Variants in LDLRAD4 observed in about 807,000 individuals in gnomAD.
LDLRAD4 encodes the protein low-density lipoprotein receptor class A domain-containing protein 4.
LDLRAD4 carries 5 observed loss-of-function variants against 17.0 expected under a neutral mutation model. The ratio of observed to expected loss-of-function variants is 0.29; its 90% CI spans 0.15 to 0.62. The LOEUF is 0.62. Ranked by LOEUF, LDLRAD4 falls within the 20% of genes least tolerant of loss-of-function variation. The probability of loss-of-function intolerance (pLI) is 0.84; values close to 1 mark genes in which losing one functional copy is unlikely to be tolerated. For missense variants in LDLRAD4, 340 were observed against 424.7 expected, an observed-to-expected ratio of 0.80 and a Z score of 1.75; for synonymous variants, 168 against 171.8, an observed-to-expected ratio of 0.98 and a Z score of 0.17.
chr18:13,479,008 A>AAT (rs1201197583), intron 3 of LDLRAD4, among the ~76,000 whole-genome samples: 1 of 152,236 alleles, frequency 6.6e-6, no homozygotes, highest in Non-Finnish European at 1.5e-5. Flanking sequence ...AAGTAAAGGT[A>AAT]ATACGGTGGA....
At chr18:13,602,632 G>C (rs55785648) in intron 3 of LDLRAD4, among the ~76,000 whole-genome samples, 1 of 151,322 alleles carries the variant, frequency 6.6e-6, no homozygotes. Context: ...ATTTTTAGTA[G>C]AGTCTGGGTT....
intron 1 of LDLRAD4, among the ~76,000 whole-genome samples, chr18:13,293,547 C>T (rs904578558): frequency 7.2e-5 from 11 of 152,292 alleles, no homozygotes; most frequent in Non-Finnish European, 1.0e-4. Context: ...GCAAAAATAT[C>T]GGAAATATTG....
At chr18:13,628,779 G>C (rs767969789) in intron 4 of LDLRAD4, among the ~76,000 whole-genome samples, 35 of 152,196 alleles carry the variant, frequency 2.3e-4, no homozygotes, top group Admixed American at 5.2e-4. Flanking sequence ...GTCTCAAATA[G>C]TCCTTCTACT....
intron 1 of LDLRAD4, among the ~76,000 whole-genome samples, chr18:13,343,190 G>A (rs893650490): frequency 1.9e-4 from 29 of 151,640 alleles, no homozygotes; most frequent in African/African-American, 4.8e-4. Context: ...TCATTAACTC[G>A]TTATTTAACA....
At chr18:13,369,906 C>T (rs1056291429) in intron 1 of LDLRAD4, among the ~76,000 whole-genome samples, 2 of 152,230 alleles carry the variant, frequency 1.3e-5, no homozygotes, top group Admixed American at 6.5e-5. Flanking sequence ...AATTCAGCCC[C>T]GCCCTGCAGC....
At chr18:13,381,800 C>T (rs2085389073) in intron 1 of LDLRAD4, among the ~76,000 whole-genome samples, 1 of 152,264 alleles carries the variant, frequency 6.6e-6, no homozygotes, top group African/African-American at 2.4e-5. Context: ...AGCCCTTTGC[C>T]TCTTTGATCC....
intron 4 of LDLRAD4, chr18:13,642,763 G>C (rs896035631): frequency 1.6e-6 from 2 of 1,230,056 alleles, no homozygotes; most frequent in Non-Finnish European, 2.0e-6. Flanking sequence ...CACAGGTGTA[G>C]AGAGTGAGCC....
intron 1 of LDLRAD4, among the ~76,000 whole-genome samples, chr18:13,322,245 C>G (rs1265834506): frequency 6.7e-6 from 1 of 149,744 alleles, no homozygotes; most frequent in African/African-American, 2.5e-5. Context: ...AAATGGCTCT[C>G]ACTTCTTTAT....
intron 1 of LDLRAD4, among the ~76,000 whole-genome samples, chr18:13,319,184 C>T (rs1294650647): frequency 6.6e-6 from 1 of 152,236 alleles, no homozygotes; most frequent in Non-Finnish European, 1.5e-5. Flanking sequence ...TCTGTCATGG[C>T]ACCTTTTGCT....
intron 1 of LDLRAD4, among the ~76,000 whole-genome samples, chr18:13,289,713 C>CGTGGAGAG (rs1288663230): frequency 6.6e-6 from 1 of 152,158 alleles, no homozygotes; most frequent in Non-Finnish European, 1.5e-5. Context: ...AGTCCTGAGC[C>CGTGGAGAG]ATTGGGACTG....
At chr18:13,639,023 GACAGGGAA>G (rs2042304171) in intron 4 of LDLRAD4, among the ~76,000 whole-genome samples, 1 of 152,242 alleles carries the variant, frequency 6.6e-6, no homozygotes, top group South Asian at 2.1e-4. Context: ...TAGCCTACAA[GACAGGGAA>G]TGCATTTCAG....
At chr18:13,548,127 C>T (rs186789572) in intron 3 of LDLRAD4, among the ~76,000 whole-genome samples, 115 of 152,286 alleles carry the variant, frequency 7.6e-4, no homozygotes, top group Non-Finnish European at 1.5e-3. Context: ...TGGGTGGCTC[C>T]TCTCTGCAGG....
intron 1 of LDLRAD4, among the ~76,000 whole-genome samples, chr18:13,335,830 GT>G (rs2082077311): frequency 6.6e-6 from 1 of 152,210 alleles, no homozygotes; most frequent in Admixed American, 6.5e-5. Context: ...TACGTGGCTA[GT>G]TTAATGCATT....
chr18:13,248,823 T>A (rs1295892581), intron 1 of LDLRAD4, among the ~76,000 whole-genome samples: 1 of 152,168 alleles, frequency 6.6e-6, no homozygotes, highest in Non-Finnish European at 1.5e-5. Context: ...CTTATAATCA[T>A]CATACAGTGG....
chr18:13,635,540 G>A (rs558119674), intron 4 of LDLRAD4, among the ~76,000 whole-genome samples: 7 of 152,286 alleles, frequency 4.6e-5, no homozygotes, highest in Non-Finnish European at 7.4e-5. Flanking sequence ...TGGAAGATCC[G>A]GTGATATTTT....
chr18:13,576,643 C>T (rs928512490), intron 3 of LDLRAD4, among the ~76,000 whole-genome samples: 6 of 152,186 alleles, frequency 3.9e-5, no homozygotes, highest in Non-Finnish European at 8.8e-5. Flanking sequence ...GTTCTCTTTG[C>T]ACTTCACAGA....
At chr18:13,506,010 C>G (rs1353552435) in intron 3 of LDLRAD4, among the ~76,000 whole-genome samples, 1 of 152,022 alleles carries the variant, frequency 6.6e-6, no homozygotes, top group African/African-American at 2.4e-5. Flanking sequence ...CAGTGTGGAT[C>G]CACTTCCCAC....
At chr18:13,406,283 G>T (rs1375157010) in intron 2 of LDLRAD4, among the ~76,000 whole-genome samples, 1 of 152,210 alleles carries the variant, frequency 6.6e-6, no homozygotes, top group Non-Finnish European at 1.5e-5. Context: ...ACGGATCTCA[G>T]TTGGGAACAC....
At chr18:13,553,758 G>A (rs1340023784) in intron 3 of LDLRAD4, among the ~76,000 whole-genome samples, 1 of 152,150 alleles carries the variant, frequency 6.6e-6, no homozygotes, top group African/African-American at 2.4e-5. Flanking sequence ...CCTTGCCCTG[G>A]CACCCTATGT....
Sources: gnomAD v4.1 joint callset for allele counts (sites outside exome capture counted in the v4.1 genomes callset) on GRCh38, gnomAD v4.1.1 for gene constraint, MANE v1.5 for transcripts, NCBI Gene and HGNC (gene_info 2026-07-23, HGNC 2026-07-21) for gene names.